Variants in NOX1 observed in about 807,000 individuals in gnomAD.
NOX1 encodes NADPH oxidase 1, also known as NADH/NADPH mitogenic oxidase subunit P65-MOX.
A neutral mutation model predicts 42.5 loss-of-function variants in NOX1; 34 were observed. The ratio of observed to expected loss-of-function variants is 0.80; its 90% CI spans 0.61 to 1.07. The LOEUF (loss-of-function observed/expected upper bound fraction) is 1.07, where lower values mean the gene tolerates loss of function less well. Ranked by LOEUF, NOX1 falls within the 50% of genes least tolerant of loss-of-function variation. The pLI, the probability that NOX1 is intolerant of heterozygous loss-of-function variation, is 0.00. For missense variants in NOX1, 408 were observed against 427.0 expected, an observed-to-expected ratio of 0.96 and a Z score of 0.39; for synonymous variants, 143 against 152.5, an observed-to-expected ratio of 0.94 and a Z score of 0.46.
intron 7 of NOX1, among the ~76,000 whole-genome samples, chrX:100,854,571 TATC>T (rs1358621602): frequency 1.8e-5 from 2 of 111,881 alleles, no homozygotes; most frequent in African/African-American, 6.5e-5. Flanking sequence ...AATAGCTCCC[TATC>T]TTTTTTTTCA....
At chrX:100,869,441 C>T (rs1369531890) in intron 2 of NOX1, among the ~76,000 whole-genome samples, 5 of 107,002 alleles carry the variant, frequency 4.7e-5, no homozygotes, top group Non-Finnish European at 9.7e-5. Context: ...TGGGAGTTCA[C>T]TCATGATTTG....
chrX:100,858,811 T>G (rs189283606), intron 7 of NOX1, among the ~76,000 whole-genome samples: 6 of 111,617 alleles, frequency 5.4e-5, no homozygotes, highest in South Asian at 7.7e-4. Context: ...AAGCTGTTTA[T>G]CAGATCTAGG....
intron 7 of NOX1, among the ~76,000 whole-genome samples, chrX:100,860,880 C>T (rs756560292): frequency 9.0e-6 from 1 of 111,085 alleles, no homozygotes; most frequent in African/African-American, 3.3e-5. Context: ...TTTCACCTCA[C>T]CCTCCACACC....
At chrX:100,846,983 T>C (rs905729055) in intron 12 of NOX1, among the ~76,000 whole-genome samples, 5 of 110,827 alleles carry the variant, frequency 4.5e-5, no homozygotes, top group Admixed American at 9.6e-5. Context: ...AGGTCAGGAG[T>C]TCGAGACCAG....
intron 1 of NOX1, among the ~76,000 whole-genome samples, chrX:100,872,758 C>T (rs1455514751): frequency 1.8e-5 from 2 of 109,891 alleles, no homozygotes; most frequent in Non-Finnish European, 3.8e-5. Context: ...CCCTCCCCTG[C>T]CCAATTCCCC....
intron 7 of NOX1, among the ~76,000 whole-genome samples, chrX:100,858,223 T>G: frequency 8.9e-6 from 1 of 111,953 alleles, no homozygotes; most frequent in African/African-American, 3.2e-5. Flanking sequence ...TTGACTTTGT[T>G]AAAGATCACA....
intron 4 of NOX1, 118 bp downstream of exon 4, chrX:100,863,041 G>A: frequency 1.6e-6 from 1 of 636,829 alleles, no homozygotes. Flanking sequence ...CAAGAACAGT[G>A]CCTGACAAAT....
At chrX:100,857,904 G>A (rs2085178455) in intron 7 of NOX1, among the ~76,000 whole-genome samples, 1 of 111,543 alleles carries the variant, frequency 9.0e-6, no homozygotes, top group East Asian at 2.8e-4. Context: ...TTGCTGTGCA[G>A]AAGCTCTTTA....
rs1251260068 is a variant in NOX1, at chrX:100,873,038, C to T, written c.45+1057G>A. ...CATATTTTTCCCTGGAGCACCTGGT[C>T]GGGGGGCGGGGGGGTAGACAGGAAT... On this transcript the variant is annotated intron_variant, in intron 1 of 12. Coordinates refer to ENST00000372966, the MANE Select transcript of NOX1 (RefSeq NM_007052.5). Among the ~76,000 whole-genome samples, 3 of 12,239 alleles carry T rather than the reference C, an allele frequency of 2.5e-4. No homozygotes were observed. In the Admixed American group the frequency reaches 3.1e-3, roughly 13 times the overall value. 10.6% of individuals were successfully genotyped at this position (12,239 alleles called of 115,157 possible).
chrX:100,853,149 A>G (rs771030968), intron 7 of NOX1, among the ~76,000 whole-genome samples: 6 of 110,848 alleles, frequency 5.4e-5, no homozygotes, highest in Non-Finnish European at 7.6e-5. Flanking sequence ...CGAGTAAAGT[A>G]ATGGCCACAA....
At chrX:100,873,589 T>C (rs924431943) in intron 1 of NOX1, among the ~76,000 whole-genome samples, 3 of 112,488 alleles carry the variant, frequency 2.7e-5, no homozygotes, top group Non-Finnish European at 5.6e-5. Flanking sequence ...TGTTGATATG[T>C]TGGGTTAAAT....
chrX:100,854,487 AAGAC>A (rs2085153128), intron 7 of NOX1, among the ~76,000 whole-genome samples: 1 of 111,752 alleles, frequency 8.9e-6, no homozygotes, highest in Admixed American at 9.5e-5. Flanking sequence ...AGATGAGAAA[AAGAC>A]AGAAGCTGAT....
intron 1 of NOX1, 101 bp from the exon 2 acceptor site, chrX:100,870,915 A>T: frequency 9.5e-6 from 5 of 528,475 alleles, no homozygotes; most frequent in Non-Finnish European, 1.5e-5. Flanking sequence ...CGTTTTGGCT[A>T]TTTTGTGTTT....
intron 10 of NOX1, 84 bp from the exon 11 acceptor site, chrX:100,849,510 A>T (rs1602381526): frequency 1.0e-6 from 1 of 1,001,123 alleles, no homozygotes; most frequent in East Asian, 3.2e-5. Context: ...GGCAGCAGGA[A>T]TGTTCAGAGT....
intron 7 of NOX1, among the ~76,000 whole-genome samples, chrX:100,853,249 CCTTCCTTCCTTCCTTTCTTT>C (rs200016132): frequency 0.062 from 3,251 of 52,309 alleles, 233 homozygotes; most frequent in South Asian, 0.071. Context: ...TTCTTTCCTT[CCTTCCTTCCTTCCTTTCTTT>C]CTTTCTTTCT....
chrX:100,849,151 T>C, intron 11 of NOX1, 129 bp downstream of exon 11: 1 of 689,330 alleles, frequency 1.5e-6, no homozygotes. Flanking sequence ...TCCACCACTT[T>C]TAAACTTGTG....
At chrX:100,845,490 G>A (rs912469643) in intron 12 of NOX1, among the ~76,000 whole-genome samples, 3 of 109,702 alleles carry the variant, frequency 2.7e-5, no homozygotes, top group Non-Finnish European at 3.8e-5. Flanking sequence ...TTTTCACTTC[G>A]GGGCTATTAT....
chrX:100,867,007 T>A (rs1323236386), intron 2 of NOX1, among the ~76,000 whole-genome samples: 1 of 111,044 alleles, frequency 9.0e-6, no homozygotes, highest in East Asian at 2.9e-4. Flanking sequence ...GGAGACCTCA[T>A]GTCTACAAAA....
At chrX:100,850,126 G>A (rs756432456) in intron 9 of NOX1, 25 bp downstream of exon 9, 11 of 1,139,043 alleles carry the variant, frequency 9.7e-6, no homozygotes, top group Middle Eastern at 2.4e-4. Context: ...CCTGGTCTGG[G>A]ACTCTCCTGG....
Sources: gnomAD v4.1 joint callset for allele counts (sites outside exome capture counted in the v4.1 genomes callset) on GRCh38, gnomAD v4.1.1 for gene constraint, MANE v1.5 for transcripts, NCBI Gene and HGNC (gene_info 2026-07-23, HGNC 2026-07-21) for gene names.